SLC9A8: variants seen among roughly 807,000 people sequenced by gnomAD.
The protein encoded by SLC9A8 is solute carrier family 9 member A8.
Under a neutral mutation model 66.6 loss-of-function variants are expected in SLC9A8, and 48 were observed. The ratio of observed to expected loss-of-function variants is 0.72; its 90% CI spans 0.57 to 0.92. The LOEUF (loss-of-function observed/expected upper bound fraction) is 0.92, where lower values mean the gene tolerates loss of function less well. Among genes scored for constraint, SLC9A8 ranks in the 40% least tolerant of loss-of-function variants. The probability of loss-of-function intolerance (pLI) is 0.00; values close to 1 mark genes in which losing one functional copy is unlikely to be tolerated. For synonymous variants in SLC9A8, 274 were observed against 282.6 expected (o/e 0.97, Z 0.31); for missense variants, 599 against 747.3 (o/e 0.80, Z 2.31).
chr20:49,852,258 C>T (rs2088285079), intron 7 of SLC9A8, among the ~76,000 whole-genome samples: 1 of 152,146 alleles, frequency 6.6e-6, no homozygotes, highest in South Asian at 2.1e-4. Flanking sequence ...CTCATGATTA[C>T]CATGTGGAAA....
At chr20:49,870,412 G>A (rs1048656407) in intron 10 of SLC9A8, among the ~76,000 whole-genome samples, 2 of 152,206 alleles carry the variant, frequency 1.3e-5, no homozygotes, top group African/African-American at 2.4e-5. Flanking sequence ...CCTGTGTGGC[G>A]AGAGGAGCCA....
intron 5 of SLC9A8, among the ~76,000 whole-genome samples, chr20:49,848,201 G>A (rs998753907): frequency 3.3e-5 from 5 of 151,926 alleles, no homozygotes; most frequent in African/African-American, 1.2e-4. Flanking sequence ...TGGGATTACA[G>A]GTTTGAGCCA....
In SLC9A8 at chr20:49,886,673, G is replaced by A. The variant is rs963112294; in HGVS notation, c.1492-79G>A. 1.3e-6 allele frequency: 2 copies of A among 1,531,758 alleles called. No individual in the cohort carries two copies. The highest frequency in any genetic ancestry group is 1.8e-6 in the Non-Finnish European group (2 of 1,127,282). 94.9% of individuals were successfully genotyped at this position (1,531,758 alleles called of 1,614,324 possible). A position where few individuals can be genotyped will look rare whatever the true frequency, so the allele number is the denominator to read the frequency against. The stretch of plus-strand genomic sequence containing the variant: ...TAGGGTTGGGGACACTGGCGGCCTG[G>A]GTGGTGTGGGGGCTTCCAGGAGGTG... On this transcript the variant is annotated intron_variant, in intron 14 of 15. Coordinates refer to ENST00000361573, the MANE Select transcript of SLC9A8 (RefSeq NM_015266.3). The surrounding 1 kb of genome is among the most constrained non-coding windows in gnomAD (Gnocchi z 4.8).
At chr20:49,832,397 C>G (rs964757477) in intron 3 of SLC9A8, among the ~76,000 whole-genome samples, 1 of 152,138 alleles carries the variant, frequency 6.6e-6, no homozygotes, top group Admixed American at 6.5e-5. Context: ...GGGACATCCT[C>G]GAGGCCCTAG....
intron 2 of SLC9A8, among the ~76,000 whole-genome samples, chr20:49,820,487 C>G (rs1600632354): frequency 1.3e-5 from 2 of 151,776 alleles, no homozygotes; most frequent in South Asian, 2.1e-4. Flanking sequence ...CAGAGTGAGA[C>G]TCTGTCTCGG....
In SLC9A8 at chr20:49,823,092, C is replaced by T; in HGVS notation, c.240C>T (p.Ile80=). 1.2e-6 allele frequency: 2 copies of T among 1,612,478 alleles called. No individual in the cohort carries two copies. ...AICIILVHLL[I]RYRLHFLPES... is the part of the protein sequence containing the mutation. ...GCATCATATTGGTGCATTTACTGATCCGATACAGATTACATTTCTTGCCAG... is the reference window on the plus strand; with the variant it reads ...GCATCATATTGGTGCATTTACTGATTCGATACAGATTACATTTCTTGCCAG... Residue 80 remains isoleucine, a synonymous_variant, in exon 3 of 16, where the codon ATC becomes ATT. Transcript: ENST00000361573.
intron 3 of SLC9A8, among the ~76,000 whole-genome samples, chr20:49,825,157 T>C (rs531091782): frequency 1.3e-5 from 2 of 152,200 alleles, no homozygotes; most frequent in Non-Finnish European, 2.9e-5. Flanking sequence ...TGAAACTTCC[T>C]ATCTTAGTGC....
rs143070823 is a variant in SLC9A8 at position 49,821,902 on chromosome 20, A to G, written c.209-1159A>G. On this transcript the variant is annotated intron_variant, in intron 2 of 15. Transcript: ENST00000361573. ...TTCTGTTTTGGAGATTGAGGAATGAAGGCATCCAGCCAAGTGGGAGGTGGT... is the reference window on the plus strand; with the variant it reads ...TTCTGTTTTGGAGATTGAGGAATGAGGGCATCCAGCCAAGTGGGAGGTGGT... 3.9e-3 allele frequency among the ~76,000 whole-genome samples: 594 copies of G among 152,286 alleles called. 5 individuals carry two copies. Among genetic ancestry groups the G allele is most frequent in the Non-Finnish European group, 5.0e-3 (340 of 68,022 alleles).
chr20:49,882,384 C>T (rs544534256), intron 13 of SLC9A8, among the ~76,000 whole-genome samples: 62 of 152,356 alleles, frequency 4.1e-4, no homozygotes, highest in African/African-American at 1.5e-3. Context: ...CTGGCGAGGA[C>T]CACTTCACTC....
At chr20:49,816,689 T>G (rs1457510474) in intron 2 of SLC9A8, among the ~76,000 whole-genome samples, 1 of 152,000 alleles carries the variant, frequency 6.6e-6, no homozygotes, top group Non-Finnish European at 1.5e-5. Context: ...CACTTTTGAT[T>G]AGCTAAGGAA....
At chr20:49,828,643 A>T (rs2087023784) in intron 3 of SLC9A8, among the ~76,000 whole-genome samples, 1 of 151,318 alleles carries the variant, frequency 6.6e-6, no homozygotes, top group African/African-American at 2.4e-5. Flanking sequence ...GTTTGAAACC[A>T]GCCTGGCCAA....
intron 3 of SLC9A8, among the ~76,000 whole-genome samples, chr20:49,835,219 A>G (rs1403831219): frequency 1.3e-5 from 2 of 151,082 alleles, no homozygotes; most frequent in East Asian, 1.9e-4. Context: ...AATGTCTTCC[A>G]CAGGGAGATA....
intron 4 of SLC9A8, among the ~76,000 whole-genome samples, chr20:49,841,482 C>G (rs2087758208): frequency 6.6e-6 from 1 of 152,086 alleles, no homozygotes; most frequent in South Asian, 2.1e-4. Flanking sequence ...TGATTCCAAA[C>G]TGACCTGCTG....
At chr20:49,829,802 G>A (rs1292013077) in intron 3 of SLC9A8, 1 of 553,900 alleles carries the variant, frequency 1.8e-6, no homozygotes, top group South Asian at 1.4e-5. Context: ...CCAAACTCAG[G>A]TGATGAGAAG....
At chr20:49,813,011 G>A in intron 1 of SLC9A8, 63 bp downstream of exon 1, 1 of 1,330,966 alleles carries the variant, frequency 7.5e-7, no homozygotes, top group Non-Finnish European at 9.7e-7. Flanking sequence ...GTGACAGCGA[G>A]CGCCTCAGGC....
chr20:49,891,059 G>A lies in SLC9A8; in HGVS notation c.*3123G>A, dbSNP rs983365535. 1 of 152,302 alleles carries A rather than the reference G, an allele frequency of 6.6e-6. No individual in the cohort carries two copies. Among genetic ancestry groups the A allele is most frequent in the Non-Finnish European group, 1.5e-5 (1 of 68,122 alleles). The allele number at this position is 152,302 out of a possible 1,614,324, so 9.4% of individuals were successfully genotyped here. ...TTGGAGAGTCCTCAGCAGGGTAGCC[G>A]AGGCCAGGCCACTTCTGCTGAGGAT... On this transcript the variant is annotated 3_prime_UTR_variant, in exon 16 of 16. Coordinates refer to ENST00000361573, the MANE Select transcript of SLC9A8 (RefSeq NM_015266.3).
In SLC9A8 at chr20:49,886,418, T is replaced by C. The variant is rs1276808891; in HGVS notation, c.1492-334T>C. On this transcript the variant is annotated intron_variant, in intron 14 of 15. Transcript: ENST00000361573. The surrounding 1 kb of genome is among the most constrained non-coding windows in gnomAD (Gnocchi z 4.8). ...CAAAAAGCCTCCCTGTGCGATTTGC[T>C]GCTAATGAAAAGCCCAGAACAGCAG... is the stretch of plus-strand genomic sequence containing the variant. The C allele has an allele frequency of 1.4e-5, 3 of 210,244 alleles. No homozygotes were observed. The highest frequency in any genetic ancestry group is 6.9e-5 in the African/African-American group (3 of 43,542). 13.0% of individuals were successfully genotyped at this position (210,244 alleles called of 1,614,324 possible).
chr20:49,858,111 C>T (rs2088582552), intron 8 of SLC9A8, among the ~76,000 whole-genome samples: 1 of 152,074 alleles, frequency 6.6e-6, no homozygotes, highest in Non-Finnish European at 1.5e-5. Flanking sequence ...AAATATTGTA[C>T]TCTATTTTCC....
rs115631767 is a variant in SLC9A8 at position 49,857,423 on chromosome 20, T to C, written c.713+1842T>C. Among the ~76,000 whole-genome samples, 647 of 152,324 alleles carry C rather than the reference T, an allele frequency of 4.2e-3. 3 individuals carry two copies. Among genetic ancestry groups the C allele is most frequent in the African/African-American group, 0.015 (625 of 41,582 alleles). On this transcript the variant is annotated intron_variant, in intron 8 of 15. Coordinates refer to ENST00000361573, the MANE Select transcript of SLC9A8 (RefSeq NM_015266.3). ...TAGATTTGAGGACTGAATAGTTAAA[T>C]AAGGTACTACAGGGCTGGGCGCGGT...
Sources: gnomAD v4.1 joint callset for allele counts (sites outside exome capture counted in the v4.1 genomes callset) on GRCh38, gnomAD v4.1.1 for gene constraint, Gnocchi (gnomAD v3.1) non-coding constraint, MANE v1.5 for transcripts, NCBI Gene and HGNC (gene_info 2026-07-23, HGNC 2026-07-21) for gene names.